The following PSTPIP1 variants were observed in gnomAD, a reference collection of about 807,000 sequenced individuals.
The protein encoded by PSTPIP1 is proline-serine-threonine phosphatase interacting protein 1, also known as proline-serine-threonine phosphatase-interacting protein 1.
In PSTPIP1, 66 loss-of-function variants were observed where a neutral mutation model predicts 69.6. The ratio of observed to expected loss-of-function variants is 0.95; its 90% CI spans 0.78 to 1.16. PSTPIP1 has a LOEUF of 1.16. Among genes scored for constraint, PSTPIP1 ranks in the 50% most tolerant of loss-of-function variants. PSTPIP1 has a pLI of 0.00. For synonymous variants in PSTPIP1, 266 were observed against 222.7 expected (o/e 1.19, Z -1.73); for missense variants, 603 against 557.4 (o/e 1.08, Z -0.82).
chr15:77,005,417 C>T (rs1279216560), intron 1 of PSTPIP1, among the ~76,000 whole-genome samples: 1 of 152,162 alleles, frequency 6.6e-6, no homozygotes, highest in Non-Finnish European at 1.5e-5. Flanking sequence ...ATTACCATTG[C>T]TGACAATAGG....
intron 3 of PSTPIP1, among the ~76,000 whole-genome samples, chr15:77,022,755 G>A (rs2076186943): frequency 6.6e-6 from 1 of 152,226 alleles, no homozygotes; most frequent in Non-Finnish European, 1.5e-5. Context: ...GCCTTGTTGT[G>A]TGAGCTGAAC....
At chr15:77,035,769 A>AAG in intron 13 of PSTPIP1, 33 bp from the exon 14 acceptor site, 1 of 1,584,710 alleles carries the variant, frequency 6.3e-7, no homozygotes, top group Non-Finnish European at 8.5e-7. Context: ...TGTCCCCAGA[A>AAG]GGGGAGGGGT....
At chr15:76,997,570 C>T (rs928502725) in intron 1 of PSTPIP1, among the ~76,000 whole-genome samples, 3 of 152,172 alleles carry the variant, frequency 2.0e-5, no homozygotes, top group South Asian at 2.1e-4. Flanking sequence ...AATTGAGGCA[C>T]GGAGATATTA....
Position 77,027,703 on chromosome 15 carries a change from C to A in PSTPIP1, c.355-149C>A. Reference sequence around the variant, plus strand: ...CATTGTGAGGGTCACTGTGAAGCAGCAGGCTCTGGGGGAGGGAGGGCAGCC... The same window carrying A: ...CATTGTGAGGGTCACTGTGAAGCAGAAGGCTCTGGGGGAGGGAGGGCAGCC... On this transcript the variant is annotated intron_variant, in intron 5 of 14. Coordinates refer to ENST00000558012, the MANE Select transcript of PSTPIP1 (RefSeq NM_003978.5). This position sits in a 1 kb window ranked among gnomAD's most constrained non-coding sequence, Gnocchi z 4.3. 1 of 855,148 alleles carries A rather than the reference C, an allele frequency of 1.2e-6. No homozygotes were observed. Among genetic ancestry groups the A allele is most frequent in the Non-Finnish European group, 1.9e-6 (1 of 519,920 alleles). 53.0% of individuals were successfully genotyped at this position (855,148 alleles called of 1,614,324 possible).
intron 1 of PSTPIP1, among the ~76,000 whole-genome samples, chr15:77,010,518 T>G (rs1208765696): frequency 6.6e-6 from 1 of 152,314 alleles, no homozygotes; most frequent in South Asian, 2.1e-4. Flanking sequence ...CTCTGCTGCC[T>G]TGAAGCAGGT....
Position 77,020,879 on chromosome 15 carries a change from G to A in PSTPIP1, c.212+2348G>A, listed in dbSNP as rs77589398. ...ATCTTAGACTCCTGTGGGGGGGGGGGGTGTGTGTGTTGGCCCTCAGGAAAG... is the reference window on the plus strand; with the variant it reads ...ATCTTAGACTCCTGTGGGGGGGGGGAGTGTGTGTGTTGGCCCTCAGGAAAG... On this transcript the variant is annotated intron_variant, in intron 3 of 14. Transcript: ENST00000558012. 5.6e-4 allele frequency among the ~76,000 whole-genome samples: 72 copies of A among 128,300 alleles called. 1 individual carries two copies. The highest frequency in any genetic ancestry group is 2.0e-3 in the African/African-American group (67 of 34,096). The allele number at this position is 128,300 out of a possible 152,430, so 84.2% of individuals were successfully genotyped here.
rs534878256 is a variant in PSTPIP1, at chr15:76,999,745, A to G, written c.36+4136A>G. The G allele has an allele frequency of 4.6e-5, 7 of 152,404 alleles. No homozygotes were observed. In the East Asian group the frequency reaches 1.4e-3, roughly 29 times the overall value. The allele number at this position is 152,404 out of a possible 1,614,324, so 9.4% of individuals were successfully genotyped here. A position where few individuals can be genotyped will look rare whatever the true frequency, so the allele number is the denominator to read the frequency against. ...AGTTCAGTGCCGGGGCTGGAGGAAT[A>G]ACTGGGTCAGGCAAGGAGTGCTCTG... is the stretch of plus-strand genomic sequence containing the variant. On this transcript the variant is annotated intron_variant, in intron 1 of 14. Coordinates refer to ENST00000558012, the MANE Select transcript of PSTPIP1 (RefSeq NM_003978.5).
chr15:77,021,599 A>G (rs1329477853), intron 3 of PSTPIP1, among the ~76,000 whole-genome samples: 3 of 152,158 alleles, frequency 2.0e-5, no homozygotes, highest in Non-Finnish European at 4.4e-5. Flanking sequence ...GAATCACTTG[A>G]ACCTGGGAGA....
rs536180052 is a variant in PSTPIP1, at chr15:77,036,962, G to A, written c.1120-83G>A. 1.1e-4 allele frequency: 174 copies of A among 1,546,298 alleles called. 1 individual carries two copies. In the South Asian group the frequency reaches 1.8e-3, roughly 16 times the overall value. On this transcript the variant is annotated intron_variant, in intron 14 of 14. Transcript: ENST00000558012. ...TGGGAGACATGCCGCATTTACTGCT[G>A]GGTGGGGGAACGCCAGGCCCCTCCC...
At chr15:77,030,125 A>G (rs2076379593) in intron 8 of PSTPIP1, among the ~76,000 whole-genome samples, 1 of 152,068 alleles carries the variant, frequency 6.6e-6, no homozygotes, top group African/African-American at 2.4e-5. Context: ...AGATCTGGGC[A>G]CAGAAGTTGT....
intron 1 of PSTPIP1, among the ~76,000 whole-genome samples, chr15:77,001,112 TG>T (rs2075699086): frequency 6.6e-6 from 1 of 152,234 alleles, no homozygotes; most frequent in African/African-American, 2.4e-5. Context: ...TGATTTTTTT[TG>T]CCCAGTCCTC....
intron 12 of PSTPIP1, among the ~76,000 whole-genome samples, chr15:77,035,048 TTG>T (rs2076523218): frequency 6.6e-6 from 1 of 152,104 alleles, no homozygotes. Context: ...GAGCCAGGCT[TTG>T]TGTGGCAGTG....
chr15:77,025,208 CCCG>C, intron 3 of PSTPIP1, 73 bp from the exon 4 acceptor site: 2 of 1,493,738 alleles, frequency 1.3e-6, no homozygotes, highest in South Asian at 2.3e-5. Flanking sequence ...CACTGCCCAC[CCCG>C]CCGGGAGGCA....
chr15:77,022,445 G>A (rs1466873754), intron 3 of PSTPIP1, among the ~76,000 whole-genome samples: 1 of 152,252 alleles, frequency 6.6e-6, no homozygotes, highest in African/African-American at 2.4e-5. Context: ...TGAAGGCACT[G>A]GTGACAGATG....
intron 1 of PSTPIP1, among the ~76,000 whole-genome samples, chr15:77,000,261 C>T (rs150754542): frequency 2.0e-5 from 3 of 152,298 alleles, no homozygotes; most frequent in Admixed American, 2.0e-4. Context: ...CACTCAGCCA[C>T]TGGTGCCTTT....
rs1380076585 is a variant in PSTPIP1 at position 77,032,364 on chromosome 15, C to T, written c.808C>T (p.Gln270Ter). The T allele has an allele frequency of 1.9e-6, 3 of 1,612,702 alleles. No homozygotes were observed. The highest frequency in any genetic ancestry group is 1.1e-5 in the South Asian group (1 of 91,090). ...SIDADIDSFI[Q>*]AKSTGTEPPA... is the part of the protein sequence containing the mutation. ...AGACGCCGACATCGACAGTTTCATC[C>T]AGGCCAAGAGCACGGGCACAGAGCC... Residue 270 changes from glutamine to a stop codon, truncating the protein, a stop_gained, in exon 11 of 15, where the codon CAG becomes TAG. Transcript: ENST00000558012. LOFTEE classifies it high-confidence loss of function.
rs749871374 is a variant in PSTPIP1, at chr15:77,032,374, G to A, written c.818G>A (p.Ser273Asn). 1.9e-6 allele frequency: 3 copies of A among 1,612,702 alleles called. No homozygotes were observed. The highest frequency in any genetic ancestry group is 1.7e-5 in the Admixed American group (1 of 60,024). The change falls in exon 11 of 15, where the codon AGC (serine) becomes AAC (asparagine). Residue 273 changes from serine to asparagine, a missense_variant. Physicochemically the swap from Ser to Asn is conservative, Grantham distance 46 (BLOSUM62 1). Transcript: ENST00000558012. ...ATCGACAGTTTCATCCAGGCCAAGA[G>A]CACGGGCACAGAGCCCCCCGGTGAG... ...ADIDSFIQAK[S>N]TGTEPPAPVP...
At chr15:77,014,384 G>A (rs1270599378) in intron 1 of PSTPIP1, among the ~76,000 whole-genome samples, 1 of 152,128 alleles carries the variant, frequency 6.6e-6, no homozygotes, top group Non-Finnish European at 1.5e-5. Context: ...GCTGAGAAGG[G>A]CCAGGGTCAC....
chr15:77,008,267 A>G (rs2075860720), intron 1 of PSTPIP1, among the ~76,000 whole-genome samples: 1 of 152,170 alleles, frequency 6.6e-6, no homozygotes, highest in African/African-American at 2.4e-5. Flanking sequence ...GGCTGGTGCC[A>G]GGACCAAGGG....
Sources: gnomAD v4.1 joint callset for allele counts (sites outside exome capture counted in the v4.1 genomes callset) on GRCh38, gnomAD v4.1.1 for gene constraint, Gnocchi (gnomAD v3.1) non-coding constraint, MANE v1.5 for transcripts, NCBI Gene and HGNC (gene_info 2026-07-23, HGNC 2026-07-21) for gene names.